TMEM255B: variants seen among roughly 807,000 people sequenced by gnomAD.
TMEM255B encodes the protein transmembrane protein 255B.
TMEM255B carries 35 observed loss-of-function variants against 34.5 expected under a neutral mutation model. That is an observed-to-expected ratio of 1.01 (90% CI 0.77 to 1.34). The LOEUF is 1.34. Ranked by LOEUF, TMEM255B falls within the 40% of genes most tolerant of loss-of-function variation. The pLI is 0.00. For missense variants in TMEM255B, 432 were observed against 433.2 expected (o/e 1.00, Z 0.02); for synonymous variants, 206 against 201.2 (o/e 1.02, Z -0.20).
intron 3 of TMEM255B, among the ~76,000 whole-genome samples, chr13:113,793,931 C>T (rs1326584912): frequency 6.6e-6 from 1 of 152,218 alleles, no homozygotes; most frequent in Non-Finnish European, 1.5e-5. Context: ...CCAGCCCCCA[C>T]CCCCCGCCTT....
chr13:113,810,674 C>A (rs1390283822), intron 8 of TMEM255B, among the ~76,000 whole-genome samples: 1 of 152,122 alleles, frequency 6.6e-6, no homozygotes, highest in African/African-American at 2.4e-5. Flanking sequence ...GTCCACTTCT[C>A]CTGGGGACCA....
Position 113,794,703 on chromosome 13 carries a change from C to G in TMEM255B, c.253-445C>G, listed in dbSNP as rs151035428. Among the ~76,000 whole-genome samples, 951 of 152,312 alleles carry G rather than the reference C, an allele frequency of 6.2e-3. 10 individuals carry two copies. Among genetic ancestry groups the G allele is most frequent in the South Asian group, 0.019 (91 of 4,824 alleles). On this transcript the variant is annotated intron_variant, in intron 3 of 8. Coordinates refer to ENST00000375353, the MANE Select transcript of TMEM255B (RefSeq NM_182614.4). Reference sequence around the variant, plus strand: ...CAGAGTGCACTGGTTAACTAACGCACTATAAACCATTCCTGGCTCCAAGCT... The same window carrying G: ...CAGAGTGCACTGGTTAACTAACGCAGTATAAACCATTCCTGGCTCCAAGCT...
Position 113,769,452 on chromosome 13 carries a change from G to T in TMEM255B, c.252+292G>T, listed in dbSNP as rs1374300262. 2.6e-6 allele frequency: 1 copy of T among 387,946 alleles called. No individual in the cohort carries two copies. Among genetic ancestry groups the T allele is most frequent in the Non-Finnish European group, 4.8e-6 (1 of 209,428 alleles). The allele number at this position is 387,946 out of a possible 1,614,324, so 24.0% of individuals were successfully genotyped here. A position where few individuals can be genotyped will look rare whatever the true frequency, so the allele number is the denominator to read the frequency against. ...GAAGCTCAGAGAATGCATGAAGTTTGGGACGGGGGTGGCAAATTAAATTAA... is the reference window on the plus strand; with the variant it reads ...GAAGCTCAGAGAATGCATGAAGTTTTGGACGGGGGTGGCAAATTAAATTAA... On this transcript the variant is annotated intron_variant, in intron 3 of 8. Transcript: ENST00000375353. The surrounding 1 kb of genome is among the most constrained non-coding windows in gnomAD (Gnocchi z 4.2).
intron 3 of TMEM255B, among the ~76,000 whole-genome samples, chr13:113,777,520 G>A (rs1386906677): frequency 6.6e-6 from 1 of 152,200 alleles, no homozygotes; most frequent in Non-Finnish European, 1.5e-5. Context: ...GGCCCCGGCT[G>A]TGTCTCTGGG....
At chr13:113,807,041 G>GC (rs2051186327) in intron 8 of TMEM255B, among the ~76,000 whole-genome samples, 2 of 152,218 alleles carry the variant, frequency 1.3e-5, no homozygotes, top group African/African-American at 2.4e-5. Context: ...GGTTCCATCA[G>GC]CCCCTTCCTC....
At chr13:113,785,704 G>C (rs1469764370) in intron 3 of TMEM255B, among the ~76,000 whole-genome samples, 1 of 152,196 alleles carries the variant, frequency 6.6e-6, no homozygotes, top group African/African-American at 2.4e-5. Flanking sequence ...TTGCCGCTGG[G>C]CTTGGAGACC....
chr13:113,765,650 G>A (rs528758604), intron 1 of TMEM255B, among the ~76,000 whole-genome samples: 2 of 152,328 alleles, frequency 1.3e-5, no homozygotes, highest in South Asian at 2.1e-4. Flanking sequence ...GCTGCTGTGT[G>A]CGTTCCTCTC....
intron 1 of TMEM255B, among the ~76,000 whole-genome samples, chr13:113,762,581 C>T (rs1292570794): frequency 2.0e-5 from 3 of 152,276 alleles, no homozygotes; most frequent in African/African-American, 4.8e-5. Context: ...GGAGGATTTA[C>T]GTGGTTTCAG....
Position 113,766,241 on chromosome 13 carries a change from A to T in TMEM255B, c.173A>T (p.Tyr58Phe). 1.9e-6 allele frequency: 3 copies of T among 1,614,184 alleles called. No individual in the cohort carries two copies. Among genetic ancestry groups the T allele is most frequent in the Middle Eastern group, 1.6e-4 (1 of 6,062 alleles). The part of the protein sequence containing the change: ...TRTENVTVGG[Y>F]YPGIILGFGS... ...ACGGAGAATGTGACCGTTGGGGGCT[A>T]CTACCCAGGGATCATTGTGAGTGCG... The change falls in exon 2 of 9, where the codon TAC becomes TTC. Residue 58 changes from tyrosine (Y) to phenylalanine (F), a missense_variant. By Grantham distance (22) the Tyr-to-Phe change is conservative (BLOSUM62 3). Transcript: ENST00000375353.
Position 113,813,591 on chromosome 13 carries a change from C to T in TMEM255B, c.*1688C>T, listed in dbSNP as rs565230668. The T allele has an allele frequency of 3.4e-5, 5 of 148,828 alleles. No homozygotes were observed. Among genetic ancestry groups the T allele is most frequent in the Admixed American group, 2.6e-4 (4 of 15,174 alleles). The allele number at this position is 148,828 out of a possible 1,614,324, so 9.2% of individuals were successfully genotyped here. A position where few individuals can be genotyped will look rare whatever the true frequency, so the allele number is the denominator to read the frequency against. On this transcript the variant is annotated 3_prime_UTR_variant, in exon 9 of 9. Coordinates refer to ENST00000375353, the MANE Select transcript of TMEM255B (RefSeq NM_182614.4). ...TCTCACACAGCCTCTGCCCCCTCCGCTGCCCGGGAGCCTCCCTCTGCCCGA... is the reference window on the plus strand; with the variant it reads ...TCTCACACAGCCTCTGCCCCCTCCGTTGCCCGGGAGCCTCCCTCTGCCCGA...
rs1044176066 is a variant in TMEM255B at position 113,769,561 on chromosome 13, G to A, written c.252+401G>A. 1.6e-5 allele frequency: 3 copies of A among 186,862 alleles called. No individual in the cohort carries two copies. Among genetic ancestry groups the A allele is most frequent in the African/African-American group, 2.3e-5 (1 of 43,240 alleles). The allele number at this position is 186,862 out of a possible 1,614,324, so 11.6% of individuals were successfully genotyped here. Reference sequence around the variant, plus strand: ...CAGTGGCTCTAGAGTCTTGTTTTTCGTCTGAGTTTGGTTAATGTTTATCTT... The same window carrying A: ...CAGTGGCTCTAGAGTCTTGTTTTTCATCTGAGTTTGGTTAATGTTTATCTT... On this transcript the variant is annotated intron_variant, in intron 3 of 8. Transcript: ENST00000375353. The surrounding 1 kb of genome is among the most constrained non-coding windows in gnomAD (Gnocchi z 4.2).
chr13:113,800,062 T>G, intron 5 of TMEM255B: 1 of 1,199,854 alleles, frequency 8.3e-7, no homozygotes, highest in Admixed American at 3.1e-5. Context: ...CCGGGAGGCA[T>G]CGTGTGTGTG....
chr13:113,798,427 G>A (rs1395917064), intron 4 of TMEM255B, among the ~76,000 whole-genome samples: 1 of 151,544 alleles, frequency 6.6e-6, no homozygotes, highest in Non-Finnish European at 1.5e-5. Context: ...ACAGATGAAT[G>A]GATGGGTGGA....
intron 8 of TMEM255B, among the ~76,000 whole-genome samples, chr13:113,805,508 C>T (rs905639220): frequency 2.6e-5 from 4 of 152,234 alleles, no homozygotes; most frequent in Non-Finnish European, 5.9e-5. Flanking sequence ...TGGTGGGGGG[C>T]GAGCAGGACA....
In TMEM255B at chr13:113,811,941, T is replaced by C; in HGVS notation, c.*38T>C. ...GTAAAAGATAACTTGTTTGTTTTTTTTTTTAAAAAAAAGGCAGCCTCTAGA... is the reference window on the plus strand; with the variant it reads ...GTAAAAGATAACTTGTTTGTTTTTTCTTTTAAAAAAAAGGCAGCCTCTAGA... On this transcript the variant is annotated 3_prime_UTR_variant, in exon 9 of 9. Coordinates refer to ENST00000375353, the MANE Select transcript of TMEM255B (RefSeq NM_182614.4). The C allele has an allele frequency of 1.3e-6, 2 of 1,534,550 alleles. No individual in the cohort carries two copies. Among genetic ancestry groups the C allele is most frequent in the African/African-American group, 2.9e-5 (2 of 68,926 alleles).
rs1294656478 is a variant in TMEM255B at position 113,815,739 on chromosome 13, A to T, written c.*3836A>T. ...TTTTCCCAGTCTCGGGTATGTCCTTATTAGCAGTGTGAAAACAGAATACTA... is the reference window on the plus strand; with the variant it reads ...TTTTCCCAGTCTCGGGTATGTCCTTTTTAGCAGTGTGAAAACAGAATACTA... On this transcript the variant is annotated 3_prime_UTR_variant, in exon 9 of 9. Transcript: ENST00000375353. The T allele has an allele frequency of 6.6e-6, 1 of 152,334 alleles. No homozygotes were observed. Among genetic ancestry groups the T allele is most frequent in the Non-Finnish European group, 1.5e-5 (1 of 68,234 alleles). The allele number at this position is 152,334 out of a possible 1,614,324, so 9.4% of individuals were successfully genotyped here. A position where few individuals can be genotyped will look rare whatever the true frequency, so the allele number is the denominator to read the frequency against.
At position 113,806,572 on chromosome 13, in the gene TMEM255B, G is replaced by A. The variant is rs562926071; in HGVS notation, c.813+1544G>A. Among the ~76,000 whole-genome samples the A allele has an allele frequency of 1.3e-4, 20 of 152,336 alleles. No individual in the cohort carries two copies. The South Asian group carries it at 4.1e-3, about 32-fold the overall frequency. On this transcript the variant is annotated intron_variant, in intron 8 of 8. Transcript: ENST00000375353. The surrounding 1 kb of genome is among the most constrained non-coding windows in gnomAD (Gnocchi z 4.2). ...TTCCATTTCTGTGACGGGGGAAGATGTGGTCCCCAGGGTCAGATGGCGGGA... is the reference window on the plus strand; with the variant it reads ...TTCCATTTCTGTGACGGGGGAAGATATGGTCCCCAGGGTCAGATGGCGGGA...
At chr13:113,808,086 T>A (rs1029007382) in intron 8 of TMEM255B, among the ~76,000 whole-genome samples, 1 of 152,132 alleles carries the variant, frequency 6.6e-6, no homozygotes, top group Non-Finnish European at 1.5e-5. Flanking sequence ...CAGATGAGGC[T>A]CATGTGCTCC....
chr13:113,774,087 C>A (rs1351683801), intron 3 of TMEM255B, among the ~76,000 whole-genome samples: 1 of 150,086 alleles, frequency 6.7e-6, no homozygotes, highest in Non-Finnish European at 1.5e-5. Flanking sequence ...CCTCCTTGCC[C>A]CCCACCCAAC....
Sources: allele counts gnomAD v4.1 joint callset (sites outside exome capture counted in the v4.1 genomes callset), GRCh38; gene constraint gnomAD v4.1.1; non-coding constraint Gnocchi (gnomAD v3.1); transcripts MANE v1.5; gene names NCBI Gene and HGNC (gene_info 2026-07-23, HGNC 2026-07-21).